The following FRMD3 variants were observed in gnomAD, a reference collection of about 807,000 sequenced individuals.
FRMD3 encodes FERM domain containing 3.
Under a neutral mutation model 70.2 loss-of-function variants are expected in FRMD3, and 33 were observed. The observed-to-expected ratio is 0.47, with a 90% CI of 0.36 to 0.63. The LOEUF is 0.63. Ranked by LOEUF, FRMD3 falls within the 20% of genes least tolerant of loss-of-function variation. The pLI, the probability that FRMD3 is intolerant of heterozygous loss-of-function variation, is 0.00. For missense variants in FRMD3, 632 were observed against 711.4 expected (o/e 0.89, Z 1.27); for synonymous variants, 279 against 255.9 (o/e 1.09, Z -0.86).
At chr9:83,403,520 A>G (rs1826013315) in intron 1 of FRMD3, among the ~76,000 whole-genome samples, 1 of 152,180 alleles carries the variant, frequency 6.6e-6, no homozygotes, top group Non-Finnish European at 1.5e-5. Context: ...GGCTGGGAGT[A>G]TAACAGGCTG....
At chr9:83,359,498 T>A (rs1200927460) in intron 3 of FRMD3, among the ~76,000 whole-genome samples, 2 of 152,162 alleles carry the variant, frequency 1.3e-5, no homozygotes, top group African/African-American at 2.4e-5. Context: ...TCAAACTTTC[T>A]CTGTAAAGGG....
At chr9:83,496,531 G>A (rs547333572) in intron 1 of FRMD3, among the ~76,000 whole-genome samples, 4 of 152,260 alleles carry the variant, frequency 2.6e-5, no homozygotes, top group South Asian at 2.1e-4. Flanking sequence ...TCTCAGATCC[G>A]CTGGCAACAA....
At chr9:83,351,227 A>G (rs1824144585) in intron 3 of FRMD3, among the ~76,000 whole-genome samples, 1 of 152,152 alleles carries the variant, frequency 6.6e-6, no homozygotes, top group Non-Finnish European at 1.5e-5. Flanking sequence ...ATAATTTAAT[A>G]TGAAAAACAA....
chr9:83,287,310 C>T (rs1474961295), intron 13 of FRMD3, among the ~76,000 whole-genome samples: 1 of 152,148 alleles, frequency 6.6e-6, no homozygotes, highest in Non-Finnish European at 1.5e-5. Context: ...GCCATGGAAG[C>T]TACTAAACAT....
intron 10 of FRMD3, among the ~76,000 whole-genome samples, 170 bp downstream of exon 10, chr9:83,309,366 C>A (rs1340372976): frequency 1.3e-5 from 2 of 151,864 alleles, no homozygotes; most frequent in Admixed American, 1.3e-4. Context: ...GTCAGGCCAA[C>A]AAGCCAACAA....
chr9:83,421,487 G>T (rs1441180956), intron 1 of FRMD3, among the ~76,000 whole-genome samples: 3 of 152,052 alleles, frequency 2.0e-5, no homozygotes, highest in Non-Finnish European at 4.4e-5. Context: ...AAAATTATTT[G>T]CTAGCAGTCA....
At chr9:83,478,147 C>G (rs910508023) in intron 1 of FRMD3, among the ~76,000 whole-genome samples, 3 of 152,184 alleles carry the variant, frequency 2.0e-5, no homozygotes, top group Admixed American at 6.5e-5. Flanking sequence ...TTAGAACAGT[C>G]AGTTTCTCAC....
chr9:83,358,580 CGTTT>C (rs1564033503), intron 3 of FRMD3, among the ~76,000 whole-genome samples: 1 of 151,956 alleles, frequency 6.6e-6, no homozygotes, highest in Admixed American at 6.6e-5. Context: ...GATGTGTTTC[CGTTT>C]GTTTGTGTTG....
intron 1 of FRMD3, among the ~76,000 whole-genome samples, chr9:83,450,354 T>TG (rs1827614138): frequency 7.2e-6 from 1 of 139,090 alleles, no homozygotes; most frequent in Non-Finnish European, 1.6e-5. Flanking sequence ...TCAGTTTTTT[T>TG]TTTTTTTTTT....
chr9:83,310,453 T>C (rs1205232421), intron 9 of FRMD3, 32 bp downstream of exon 9: 1 of 1,557,414 alleles, frequency 6.4e-7, no homozygotes, highest in South Asian at 1.1e-5. Flanking sequence ...GCACACACAA[T>C]AACAGGCAGT....
intron 6 of FRMD3, among the ~76,000 whole-genome samples, chr9:83,329,091 GACATGCACACC>G (rs1213369355): frequency 1.3e-5 from 2 of 152,092 alleles, no homozygotes; most frequent in Non-Finnish European, 2.9e-5. Flanking sequence ...GAATGGCTTG[GACATGCACACC>G]ACTTGCCCCA....
intron 13 of FRMD3, among the ~76,000 whole-genome samples, chr9:83,277,134 TATTGTATGTCC>T (rs1206894570): frequency 6.6e-6 from 1 of 152,230 alleles, no homozygotes; most frequent in Non-Finnish European, 1.5e-5. Flanking sequence ...TGTGGTAGAA[TATTGTATGTCC>T]ATTGAATATA....
At chr9:83,404,794 T>G (rs1826052271) in intron 1 of FRMD3, among the ~76,000 whole-genome samples, 1 of 152,246 alleles carries the variant, frequency 6.6e-6, no homozygotes, top group African/African-American at 2.4e-5. Context: ...AGAGTTAAGT[T>G]ATTTTTAGTT....
At position 83,335,614 on chromosome 9, in the gene FRMD3, A is replaced by G; in HGVS notation, c.498T>C (p.Asp166=). The part of the protein sequence containing the change: ...VQAELGDYDP[D]EHPENYISEF... ...CACTGATGTAATTCTCAGGATGCTCATCAGGATCGTAATCACCAAGCTCAG... is the reference window on the plus strand; with the variant it reads ...CACTGATGTAATTCTCAGGATGCTCGTCAGGATCGTAATCACCAAGCTCAG... Residue 166 remains aspartate, a synonymous_variant, in exon 6 of 14, where the codon GAT becomes GAC. Transcript: ENST00000304195. 2 of 1,613,408 alleles carry G rather than the reference A, an allele frequency of 1.2e-6. No individual in the cohort carries two copies. Among genetic ancestry groups the G allele is most frequent in the East Asian group, 2.2e-5 (1 of 44,856 alleles).
intron 1 of FRMD3, among the ~76,000 whole-genome samples, chr9:83,489,857 C>G (rs9314717): frequency 6.6e-6 from 1 of 152,022 alleles, no homozygotes; most frequent in East Asian, 1.9e-4. Context: ...GCAACCAGTA[C>G]GATAAACACA....
intron 2 of FRMD3, 123 bp from the exon 3 acceptor site, chr9:83,373,078 T>C: frequency 1.3e-6 from 1 of 764,576 alleles, no homozygotes; most frequent in Non-Finnish European, 2.2e-6. Flanking sequence ...TCTCCAGAAT[T>C]CCACACTCTG....
At position 83,409,539 on chromosome 9, in the gene FRMD3, G is replaced by C. The variant is rs114955759; in HGVS notation, c.148-19831C>G. On this transcript the variant is annotated intron_variant, in intron 1 of 13. Coordinates refer to ENST00000304195, the MANE Select transcript of FRMD3 (RefSeq NM_174938.6). ...GACAAAAACTTTTGAAAAAGAATGT[G>C]AGACTCTTCAGAGGAAATTGGCCAC... 4.0e-3 allele frequency among the ~76,000 whole-genome samples: 605 copies of C among 152,284 alleles called. 4 individuals are homozygous for C. The highest frequency in any genetic ancestry group is 0.014 in the African/African-American group (574 of 41,550).
In FRMD3 at chr9:83,527,866, C is replaced by A. The variant is rs534771089; in HGVS notation, c.147+10219G>T. 3.9e-5 allele frequency among the ~76,000 whole-genome samples: 6 copies of A among 152,296 alleles called. 1 individual carries two copies. The highest frequency in any genetic ancestry group is 1.4e-4 in the African/African-American group (6 of 41,564). The stretch of plus-strand genomic sequence containing the variant: ...TCTGGACTCCGCATCTGGCTCTCTG[C>A]TACTTCATGAGAAGAGCAACTTGAA... On this transcript the variant is annotated intron_variant, in intron 1 of 13. Coordinates refer to ENST00000304195, the MANE Select transcript of FRMD3 (RefSeq NM_174938.6).
At position 83,494,858 on chromosome 9, in the gene FRMD3, T is replaced by C. The variant is rs916897576; in HGVS notation, c.147+43227A>G. ...ATGTGTGTGTGTGTGTGTGTGTGTGTGCGCGCGCGCATGTGCGTGTGTATA... is the reference window on the plus strand; with the variant it reads ...ATGTGTGTGTGTGTGTGTGTGTGTGCGCGCGCGCGCATGTGCGTGTGTATA... On this transcript the variant is annotated intron_variant, in intron 1 of 13. Coordinates refer to ENST00000304195, the MANE Select transcript of FRMD3 (RefSeq NM_174938.6). Among the ~76,000 whole-genome samples the C allele has an allele frequency of 7.5e-3, 1,122 of 148,822 alleles. 11 individuals carry two copies. Among genetic ancestry groups the C allele is most frequent in the Middle Eastern group, 0.017 (5 of 290 alleles).
Sources: gnomAD v4.1 joint callset for allele counts (sites outside exome capture counted in the v4.1 genomes callset) on GRCh38, gnomAD v4.1.1 for gene constraint, MANE v1.5 for transcripts, NCBI Gene and HGNC (gene_info 2026-07-23, HGNC 2026-07-21) for gene names.